ATG4D: variants seen among roughly 807,000 people sequenced by gnomAD.
ATG4D encodes the protein cysteine protease ATG4D.
Under a neutral mutation model 55.2 loss-of-function variants are expected in ATG4D, and 51 were observed. The observed-to-expected ratio is 0.92, with a 90% confidence interval of 0.74 to 1.17. The LOEUF is 1.17. Ranked by LOEUF, ATG4D falls within the 50% of genes most tolerant of loss-of-function variation. The pLI is 0.00. For missense variants in ATG4D, 635 were observed against 649.6 expected, an observed-to-expected ratio of 0.98 and a Z score of 0.25; for synonymous variants, 268 against 266.2, an observed-to-expected ratio of 1.01 and a Z score of -0.07.
intron 5 of ATG4D, among the ~76,000 whole-genome samples, chr19:10,548,652 T>C (rs1423612529): frequency 6.6e-6 from 1 of 152,134 alleles, no homozygotes; most frequent in East Asian, 1.9e-4. Flanking sequence ...CTCTCCCTTC[T>C]GTATATACTT....
intron 6 of ATG4D, 123 bp from the exon 7 acceptor site, chr19:10,551,774 G>T (rs1916246210): frequency 2.5e-6 from 2 of 801,990 alleles, no homozygotes; most frequent in Non-Finnish European, 4.2e-6. Context: ...AGCTCCTGAG[G>T]GCAAGGGTTT....
intron 6 of ATG4D, among the ~76,000 whole-genome samples, chr19:10,550,410 G>C (rs1412787034): frequency 6.6e-6 from 1 of 152,184 alleles, no homozygotes; most frequent in Admixed American, 6.6e-5. Context: ...TGAGGAGCCA[G>C]AGGAGAAGTG....
At chr19:10,545,154 G>T in intron 3 of ATG4D, 24 bp downstream of exon 3, 1 of 1,603,286 alleles carries the variant, frequency 6.2e-7, no homozygotes. Flanking sequence ...GGGAAGGGGT[G>T]CACTAGGAGT....
In ATG4D at chr19:10,548,884, C is replaced by T; in HGVS notation, c.836-20C>T. The T allele has an allele frequency of 6.2e-7, 1 of 1,610,090 alleles. No individual in the cohort carries two copies. Among genetic ancestry groups the T allele is most frequent in the Non-Finnish European group, 8.5e-7 (1 of 1,176,932 alleles). ...TGAAGGGTGGCAAGAAGGTGACCTG[C>T]TGCTGTCCCGTCCCTCCAGTGTACA... is the stretch of plus-strand genomic sequence containing the variant. On this transcript the variant is annotated intron_variant, in intron 5 of 9. Transcript: ENST00000309469.
At chr19:10,548,671 C>T (rs1845439147) in intron 5 of ATG4D, among the ~76,000 whole-genome samples, 1 of 152,134 alleles carries the variant, frequency 6.6e-6, no homozygotes, top group African/African-American at 2.4e-5. Flanking sequence ...TTTTGGTCTA[C>T]ATCCCAGGGC....
intron 5 of ATG4D, among the ~76,000 whole-genome samples, chr19:10,548,311 G>T (rs1445192510): frequency 3.3e-5 from 5 of 151,948 alleles, no homozygotes; most frequent in African/African-American, 1.2e-4. Flanking sequence ...GGGATTACAA[G>T]CTGGAGCCAC....
Position 10,545,081 on chromosome 19 carries a change from C to T in ATG4D, c.444C>T (p.Ser148=), listed in dbSNP as rs373793736. The T allele has an allele frequency of 1.9e-6, 3 of 1,612,882 alleles. No individual in the cohort carries two copies. Among genetic ancestry groups the T allele is most frequent in the East Asian group, 2.2e-5 (1 of 44,884 alleles). The change falls in exon 3 of 10, where the codon AGC becomes AGT. Residue 148 remains serine (S), a synonymous_variant. Transcript: ENST00000309469. ...GTGGCTGGGGGTGCATGTTACGCAG[C>T]GGCCAGATGATGCTGGCACAGGGCC... ...SDCGWGCMLR[S]GQMMLAQGLL... is the part of the protein sequence containing the mutation.
intron 1 of ATG4D, chr19:10,544,577 ATAAT>A: frequency 8.8e-7 from 1 of 1,138,190 alleles, no homozygotes; most frequent in Non-Finnish European, 1.2e-6. Context: ...AATGGGTACA[ATAAT>A]CAGAACTACC....
In ATG4D at chr19:10,544,002, G is replaced by T; in HGVS notation, c.-89G>T. ...ACGGGGGCCGAGTAGCGCCTTCCCC[G>T]GGCCCCGTGAACCGGCTGCGGGTCG... On this transcript the variant is annotated 5_prime_UTR_variant, in exon 1 of 10. Coordinates refer to ENST00000309469, the MANE Select transcript of ATG4D (RefSeq NM_032885.6). The T allele has an allele frequency of 1.1e-6, 1 of 908,818 alleles. No individual in the cohort carries two copies. The allele number at this position is 908,818 out of a possible 1,614,324, so 56.3% of individuals were successfully genotyped here.
Position 10,552,945 on chromosome 19 carries a change from G to C in ATG4D, c.1303G>C (p.Ala435Pro). ...YPMFTLAEGHAQDHSLDDLCS... is the reference protein window; with the variant it reads ...YPMFTLAEGHPQDHSLDDLCS... ...CATGTTCACCCTGGCCGAGGGCCAT[G>C]CTCAGGACCACAGCCTGGACGACCT... The change falls in exon 10 of 10, where the codon GCT becomes CCT. Residue 435 changes from alanine to proline, a missense_variant. Coordinates refer to ENST00000309469, the MANE Select transcript of ATG4D (RefSeq NM_032885.6). The C allele has an allele frequency of 6.2e-7, 1 of 1,613,768 alleles. No individual in the cohort carries two copies. Among genetic ancestry groups the C allele is most frequent in the Non-Finnish European group, 8.5e-7 (1 of 1,179,994 alleles).
At chr19:10,548,537 T>G (rs1374391654) in intron 5 of ATG4D, among the ~76,000 whole-genome samples, 2 of 152,118 alleles carry the variant, frequency 1.3e-5, no homozygotes, top group African/African-American at 4.8e-5. Flanking sequence ...GTTTAGGGGC[T>G]GAGTGCCCAG....
intron 5 of ATG4D, 84 bp from the exon 6 acceptor site, chr19:10,548,820 G>A: frequency 1.3e-6 from 2 of 1,539,674 alleles, no homozygotes; most frequent in Middle Eastern, 2.3e-4. Flanking sequence ...TTGCACGGTT[G>A]AGGTTGAGCC....
chr19:10,547,759 C>T (rs75120078), intron 5 of ATG4D, among the ~76,000 whole-genome samples: 35,742 of 150,726 alleles, frequency 0.24, 5,228 homozygotes, highest in East Asian at 0.69. Context: ...TGCAGAGGCA[C>T]GATCTCGGCT....
chr19:10,546,115 A>G (rs74350181), intron 3 of ATG4D, among the ~76,000 whole-genome samples: 2,557 of 151,968 alleles, frequency 0.017, 60 homozygotes, highest in African/African-American at 0.053. Context: ...GAGCATAGGC[A>G]TTCGACACCA....
chr19:10,547,169 G>T lies in ATG4D; in HGVS notation c.771-20G>T, dbSNP rs1916062811. On this transcript the variant is annotated intron_variant, in intron 4 of 9. Coordinates refer to ENST00000309469, the MANE Select transcript of ATG4D (RefSeq NM_032885.6). ...TTGCTGGGTACCCGCAGGCACTCAG[G>T]CCTTCCCTCCTGCCCCCAGGAAAGC... 4 of 1,613,420 alleles carry T rather than the reference G, an allele frequency of 2.5e-6. No individual in the cohort carries two copies. In the South Asian group the frequency reaches 4.4e-5, roughly 18 times the overall value.
Position 10,553,189 on chromosome 19 carries a change from G to A in ATG4D, c.*122G>A. On this transcript the variant is annotated 3_prime_UTR_variant, in exon 10 of 10. Coordinates refer to ENST00000309469, the MANE Select transcript of ATG4D (RefSeq NM_032885.6). ...TCCTGTTGTCAGCCCCTCAAGCCCA[G>A]CTGCAACCAGTCTGGGGCCATTCAG... The A allele has an allele frequency of 1.6e-6, 2 of 1,248,094 alleles. No individual in the cohort carries two copies. Among genetic ancestry groups the A allele is most frequent in the South Asian group, 3.0e-5 (2 of 66,184 alleles). The allele number at this position is 1,248,094 out of a possible 1,614,324, so 77.3% of individuals were successfully genotyped here. A position where few individuals can be genotyped will look rare whatever the true frequency, so the allele number is the denominator to read the frequency against.
Position 10,547,090 on chromosome 19 carries a change from CCAT to C in ATG4D, c.747_749del (p.Ser250del). On this transcript the variant is annotated inframe_deletion, in exon 4 of 10. Transcript: ENST00000309469. The stretch of plus-strand genomic sequence containing the variant: ...CAAGAAGGCAGGTGACTGGTATGGG[CCAT>C]CGCTAGTGGCACACATCCTCAGGTG... 1.3e-6 allele frequency: 2 copies of C among 1,599,676 alleles called. No homozygotes were observed. Among genetic ancestry groups the C allele is most frequent in the Non-Finnish European group, 1.7e-6 (2 of 1,174,008 alleles).
At chr19:10,544,555 C>A (rs1433082413) in intron 1 of ATG4D, among the ~76,000 whole-genome samples, 1 of 152,144 alleles carries the variant, frequency 6.6e-6, no homozygotes, top group East Asian at 1.9e-4. Flanking sequence ...CCGTTTTTGC[C>A]CCTCTCTGTA....
At chr19:10,550,402 AG>A (rs1449274036) in intron 6 of ATG4D, among the ~76,000 whole-genome samples, 1 of 152,182 alleles carries the variant, frequency 6.6e-6, no homozygotes, top group Non-Finnish European at 1.5e-5. Context: ...CAGGCAAATG[AG>A]GAGCCAGAGG....
Sources: allele counts gnomAD v4.1 joint callset (sites outside exome capture counted in the v4.1 genomes callset), GRCh38; gene constraint gnomAD v4.1.1; transcripts MANE v1.5; gene names NCBI Gene and HGNC (gene_info 2026-07-23, HGNC 2026-07-21).